Variants in FGF5 observed in about 807,000 individuals in gnomAD.
FGF5 encodes heparin-binding growth factor 5.
In FGF5, 23 loss-of-function variants were observed where a neutral mutation model predicts 21.8. The ratio of observed to expected loss-of-function variants is 1.05; its 90% confidence interval spans 0.76 to 1.49. The LOEUF (loss-of-function observed/expected upper bound fraction) is 1.49. FGF5 is among the 40% of genes most tolerant of loss of function. The pLI is 0.00. For missense variants in FGF5, 352 were observed against 332.9 expected, an observed-to-expected ratio of 1.06 and a Z score of -0.45; for synonymous variants, 158 against 124.0, an observed-to-expected ratio of 1.27 and a Z score of -1.82.
chr4:80,281,007 T>A (rs1405416267), intron 2 of FGF5, among the ~76,000 whole-genome samples: 1 of 151,830 alleles, frequency 6.6e-6, no homozygotes, highest in Non-Finnish European at 1.5e-5. Context: ...TTATCTCAGG[T>A]TGGGTGATAT....
intron 2 of FGF5, among the ~76,000 whole-genome samples, chr4:80,282,111 C>T (rs1720570408): frequency 6.6e-6 from 1 of 152,074 alleles, no homozygotes. Flanking sequence ...TACAGGCGCG[C>T]ACAACCACAC....
chr4:80,266,914 G>A lies in FGF5; in HGVS notation c.90G>A (p.Gly30=), dbSNP rs750465110. 4 of 1,613,950 alleles carry A rather than the reference G, an allele frequency of 2.5e-6. No individual in the cohort carries two copies. In the South Asian group the frequency reaches 3.3e-5, roughly 13 times the overall value. The change falls in exon 1 of 3, where the codon GGG becomes GGA. Residue 30 remains glycine (G), a synonymous_variant. Coordinates refer to ENST00000312465, the MANE Select transcript of FGF5 (RefSeq NM_004464.4). ...GGGAGAAGCGTCTCGCCCCCAAAGGGCAACCCGGACCCGCTGCCACTGATA... is the reference window on the plus strand; with the variant it reads ...GGGAGAAGCGTCTCGCCCCCAAAGGACAACCCGGACCCGCTGCCACTGATA... ...AHGEKRLAPK[G]QPGPAATDRN...
intron 1 of FGF5, among the ~76,000 whole-genome samples, chr4:80,274,632 T>C (rs1370650619): frequency 6.6e-6 from 1 of 152,118 alleles, no homozygotes; most frequent in Non-Finnish European, 1.5e-5. Context: ...GAAAACTTCA[T>C]GCTCATTGTT....
intron 1 of FGF5, among the ~76,000 whole-genome samples, chr4:80,269,070 T>G (rs1720196156): frequency 6.6e-6 from 1 of 152,198 alleles, no homozygotes; most frequent in Non-Finnish European, 1.5e-5. Flanking sequence ...CTGTTCTTCT[T>G]GTAACGACCC....
intron 2 of FGF5, among the ~76,000 whole-genome samples, chr4:80,275,602 G>A (rs898791634): frequency 6.6e-6 from 1 of 151,846 alleles, no homozygotes; most frequent in African/African-American, 2.4e-5. Flanking sequence ...AACTAATTTT[G>A]CATTCTCAAA....
At chr4:80,281,850 G>T (rs542357759) in intron 2 of FGF5, among the ~76,000 whole-genome samples, 3 of 152,072 alleles carry the variant, frequency 2.0e-5, no homozygotes, top group Non-Finnish European at 4.4e-5. Flanking sequence ...GTAGTTAATC[G>T]GAGTTGTGCT....
At chr4:80,269,319 T>A (rs962716202) in intron 1 of FGF5, among the ~76,000 whole-genome samples, 11 of 151,796 alleles carry the variant, frequency 7.2e-5, no homozygotes, top group Non-Finnish European at 1.5e-4. Context: ...CTGGGGAGGG[T>A]TTAGGTGTGC....
chr4:80,279,290 T>C (rs1720492790), intron 2 of FGF5, among the ~76,000 whole-genome samples: 1 of 152,208 alleles, frequency 6.6e-6, no homozygotes, highest in Non-Finnish European at 1.5e-5. Flanking sequence ...GATAGTTAAG[T>C]GTTTTAAACA....
intron 2 of FGF5, among the ~76,000 whole-genome samples, chr4:80,280,914 A>C (rs1720534627): frequency 6.6e-6 from 1 of 152,124 alleles, no homozygotes; most frequent in Non-Finnish European, 1.5e-5. Flanking sequence ...GAGGAGCTGC[A>C]TTTGAGCCTG....
chr4:80,270,423 C>G (rs748185572), intron 1 of FGF5, among the ~76,000 whole-genome samples: 8 of 151,820 alleles, frequency 5.3e-5, no homozygotes, highest in Non-Finnish European at 7.4e-5. Flanking sequence ...AGAAGTGCAC[C>G]ATGGCCATGG....
intron 2 of FGF5, among the ~76,000 whole-genome samples, chr4:80,285,094 T>C (rs1306586095): frequency 6.6e-6 from 1 of 152,192 alleles, no homozygotes; most frequent in East Asian, 1.9e-4. Flanking sequence ...AACAGCCCTA[T>C]TGTTGTAAGT....
chr4:80,272,853 T>C (rs914142333), intron 1 of FGF5, among the ~76,000 whole-genome samples: 2 of 152,118 alleles, frequency 1.3e-5, no homozygotes, highest in Admixed American at 1.3e-4. Flanking sequence ...TGCACATGTT[T>C]ACATAAATAT....
At chr4:80,286,236 ATTGT>A (rs1720711783) in intron 2 of FGF5, 85 bp from the exon 3 acceptor site, 8 of 880,672 alleles carry the variant, frequency 9.1e-6, no homozygotes, top group Admixed American at 2.5e-5. Flanking sequence ...CAACAAAATT[ATTGT>A]TTTTTTTTCT....
chr4:80,267,231 C>G, intron 1 of FGF5, 52 bp downstream of exon 1: 4 of 1,422,502 alleles, frequency 2.8e-6, no homozygotes, highest in Non-Finnish European at 3.9e-6. Flanking sequence ...GCGGAAGATT[C>G]GGGAGGGACA....
chr4:80,277,882 T>A (rs58206723), intron 2 of FGF5, among the ~76,000 whole-genome samples: 2 of 152,120 alleles, frequency 1.3e-5, no homozygotes, highest in African/African-American at 4.8e-5. Flanking sequence ...TTTGTAATAA[T>A]AATCAGAGTA....
chr4:80,270,443 C>G (rs960620637), intron 1 of FGF5, among the ~76,000 whole-genome samples: 3 of 150,916 alleles, frequency 2.0e-5, no homozygotes, highest in Non-Finnish European at 4.4e-5. Context: ...GACTTTCAAA[C>G]ATAATTTGTT....
chr4:80,286,632 C>T lies in FGF5; in HGVS notation c.767C>T (p.Thr256Ile). ...CCCCTTTCTGCACCTCGGAAAAATACCAACTCAGTGAAATACAGACTCAAG... is the reference window on the plus strand; with the variant it reads ...CCCCTTTCTGCACCTCGGAAAAATATCAACTCAGTGAAATACAGACTCAAG... ...KIPLSAPRKNTNSVKYRLKFR... is the reference protein window; with the variant it reads ...KIPLSAPRKNINSVKYRLKFR... The change falls in exon 3 of 3, where the codon ACC (threonine) becomes ATC (isoleucine). Residue 256 changes from threonine to isoleucine, a missense_variant. Transcript: ENST00000312465. 1 of 1,614,002 alleles carries T rather than the reference C, an allele frequency of 6.2e-7. No homozygotes were observed. The highest frequency in any genetic ancestry group is 8.5e-7 in the Non-Finnish European group (1 of 1,179,944).
At chr4:80,270,666 G>A (rs34032369) in intron 1 of FGF5, among the ~76,000 whole-genome samples, 1 of 152,294 alleles carries the variant, frequency 6.6e-6, no homozygotes, top group East Asian at 1.9e-4. Flanking sequence ...ACGCCTTCAA[G>A]TTTAATGTCA....
intron 2 of FGF5, among the ~76,000 whole-genome samples, chr4:80,280,104 A>C (rs34502133): frequency 6.6e-6 from 1 of 152,342 alleles, no homozygotes; most frequent in Non-Finnish European, 1.5e-5. Context: ...ATCAAAAAAT[A>C]ACTTACTAAG....
Sources: gnomAD v4.1 joint callset for allele counts (sites outside exome capture counted in the v4.1 genomes callset) on GRCh38, gnomAD v4.1.1 for gene constraint, MANE v1.5 for transcripts, NCBI Gene and HGNC (gene_info 2026-07-23, HGNC 2026-07-21) for gene names.